PPFIA1: variants seen among roughly 807,000 people sequenced by gnomAD.
The protein encoded by PPFIA1 is liprin-alpha-1.
PPFIA1 carries 25 observed loss-of-function variants against 149.9 expected under a neutral mutation model. The ratio of observed to expected loss-of-function variants is 0.17; its 90% CI spans 0.12 to 0.23. The LOEUF is 0.23. Ranked by LOEUF, PPFIA1 falls within the 10% of genes least tolerant of loss-of-function variation. The pLI is 1.00. For missense variants in PPFIA1, 1,362 were observed against 1,506.5 expected (o/e 0.90, Z 1.59); for synonymous variants, 549 against 552.8 (o/e 0.99, Z 0.10).
At chr11:70,287,072 C>T (rs2051195910) in intron 2 of PPFIA1, among the ~76,000 whole-genome samples, 1 of 151,838 alleles carries the variant, frequency 6.6e-6, no homozygotes, top group Non-Finnish European at 1.5e-5. Flanking sequence ...AGGCTGGTCT[C>T]GAACTCTTGA....
intron 2 of PPFIA1, among the ~76,000 whole-genome samples, chr11:70,293,993 G>T (rs188598338): frequency 5.4e-4 from 78 of 143,478 alleles, no homozygotes; most frequent in Non-Finnish European, 7.6e-4. Context: ...AGGCTGGAGT[G>T]CAGTGAGATC....
intron 2 of PPFIA1, among the ~76,000 whole-genome samples, chr11:70,301,937 C>T (rs1466009784): frequency 3.9e-5 from 6 of 152,190 alleles, no homozygotes; most frequent in African/African-American, 7.2e-5. Context: ...ATGCAGTGAC[C>T]GTGTGAACAT....
intron 2 of PPFIA1, among the ~76,000 whole-genome samples, chr11:70,288,964 G>GT (rs1384950277): frequency 1.5e-5 from 2 of 135,614 alleles, no homozygotes; most frequent in East Asian, 4.1e-4. Flanking sequence ...GTAGCATCTG[G>GT]TTGTTTTTTT....
intron 19 of PPFIA1, among the ~76,000 whole-genome samples, chr11:70,361,041 T>G (rs1175797445): frequency 6.6e-6 from 1 of 152,226 alleles, no homozygotes; most frequent in African/African-American, 2.4e-5. Flanking sequence ...ATACCTATGT[T>G]AGAGAGCATT....
chr11:70,357,889 G>A (rs1046358307), intron 19 of PPFIA1, among the ~76,000 whole-genome samples: 2 of 152,032 alleles, frequency 1.3e-5, no homozygotes, highest in Admixed American at 6.5e-5. Context: ...GCCCAGCCAA[G>A]AATGTTTTCA....
At chr11:70,337,205 G>A (rs1216157210) in intron 11 of PPFIA1, among the ~76,000 whole-genome samples, 160 bp from the exon 12 acceptor site, 1 of 152,038 alleles carries the variant, frequency 6.6e-6, no homozygotes, top group Non-Finnish European at 1.5e-5. Flanking sequence ...AGGTGTCGCC[G>A]CCTCACGGTC....
intron 2 of PPFIA1, among the ~76,000 whole-genome samples, chr11:70,301,215 A>G (rs1355139156): frequency 6.6e-6 from 1 of 152,208 alleles, no homozygotes; most frequent in East Asian, 1.9e-4. Flanking sequence ...CTTGATGAGA[A>G]CTAACATAAA....
Position 70,374,924 on chromosome 11 carries a change from T to C in PPFIA1, c.3146T>C (p.Leu1049Pro). 6.2e-7 allele frequency: 1 copy of C among 1,610,844 alleles called. No homozygotes were observed. The highest frequency in any genetic ancestry group is 8.5e-7 in the Non-Finnish European group (1 of 1,179,070). ...TGTCTTTATTCTTTTGCAGACGTGCTTGTTTGGAGCAATGATCGAGTGATT... is the reference window on the plus strand; with the variant it reads ...TGTCTTTATTCTTTTGCAGACGTGCCTGTTTGGAGCAATGATCGAGTGATT... ...EESQSEIKDV[L>P]VWSNDRVIRW... Residue 1049 changes from leucine to proline, a missense_variant, in exon 24 of 28, where the codon CTT becomes CCT. Leu to Pro is a moderately conservative substitution (Grantham distance 98). Transcript: ENST00000253925.
chr11:70,333,584 T>G (rs1591252946), intron 10 of PPFIA1, 31 bp downstream of exon 10: 1 of 1,560,246 alleles, frequency 6.4e-7, no homozygotes. Flanking sequence ...GTGGGGGCGC[T>G]GAGTGGGTGC....
In PPFIA1 at chr11:70,356,217, G is replaced by A; in HGVS notation, c.2545G>A (p.Gly849Arg). The stretch of plus-strand genomic sequence containing the variant: ...GGATGCCTTGGGACTTAGCAAATTG[G>A]GGGGACAGGCTGAAAAAAATCGTAA... ...SQDALGLSKL[G>R]GQAEKNRKLQ... The change falls in exon 19 of 28, where the codon GGG becomes AGG. Residue 849 changes from glycine to arginine, a missense_variant. This residue lies in a region of PPFIA1 where 91 missense variants were observed against 91.2 expected (regional missense o/e 1.00). Coordinates refer to ENST00000253925, the MANE Select transcript of PPFIA1 (RefSeq NM_003626.5). 1 of 1,613,762 alleles carries A rather than the reference G, an allele frequency of 6.2e-7. No homozygotes were observed. Among genetic ancestry groups the A allele is most frequent in the Non-Finnish European group, 8.5e-7 (1 of 1,179,982 alleles).
chr11:70,295,507 G>C (rs1432218157), intron 2 of PPFIA1, among the ~76,000 whole-genome samples: 1 of 140,862 alleles, frequency 7.1e-6, no homozygotes, highest in East Asian at 2.2e-4. Flanking sequence ...CGGGTGGGGG[G>C]GCTGACCCCC....
intron 16 of PPFIA1, among the ~76,000 whole-genome samples, chr11:70,349,500 A>G (rs558878828): frequency 1.2e-4 from 18 of 152,310 alleles, no homozygotes; most frequent in African/African-American, 4.1e-4. Flanking sequence ...TTGTATATTT[A>G]GAATTTGTCA....
At chr11:70,301,877 G>C (rs996096504) in intron 2 of PPFIA1, among the ~76,000 whole-genome samples, 4 of 152,126 alleles carry the variant, frequency 2.6e-5, no homozygotes, top group African/African-American at 9.7e-5. Flanking sequence ...ATGTTTCACG[G>C]GACCACCGTG....
chr11:70,322,790 T>C (rs1483407826), intron 2 of PPFIA1, among the ~76,000 whole-genome samples: 1 of 152,208 alleles, frequency 6.6e-6, no homozygotes, highest in Non-Finnish European at 1.5e-5. Context: ...GTTCAGTGAA[T>C]GCTAGATTCA....
chr11:70,308,105 A>G (rs569757835), intron 2 of PPFIA1, among the ~76,000 whole-genome samples: 4 of 152,306 alleles, frequency 2.6e-5, no homozygotes, highest in East Asian at 3.9e-4. Flanking sequence ...CTGGAGTGCA[A>G]TGGTGCGATC....
At chr11:70,335,119 AT>A (rs967394674) in intron 10 of PPFIA1, among the ~76,000 whole-genome samples, 7 of 151,710 alleles carry the variant, frequency 4.6e-5, no homozygotes, top group African/African-American at 7.3e-5. Flanking sequence ...CTCTAGCACA[AT>A]TTTTTTTTCC....
chr11:70,350,880 G>A (rs753495920), intron 16 of PPFIA1: 19 of 431,306 alleles, frequency 4.4e-5, no homozygotes, highest in Admixed American at 6.1e-5. Flanking sequence ...TCTAAATCCT[G>A]TCTCCTGTCA....
At position 70,326,358 on chromosome 11, in the gene PPFIA1, G is replaced by A; in HGVS notation, c.703G>A (p.Gly235Arg). The A allele has an allele frequency of 1.9e-6, 3 of 1,587,788 alleles. No homozygotes were observed. The highest frequency in any genetic ancestry group is 2.6e-6 in the Non-Finnish European group (3 of 1,158,532). The stretch of plus-strand genomic sequence containing the variant: ...ACAAGAAAATACACCAAGCACGAGT[G>A]GAAAGGCAAGTCTGTAGGCTTTGTC... ...HEQENTPSTS[G>R]KRSSDGSLSH... The change falls in exon 6 of 28, where the codon GGA becomes AGA. Residue 235 changes from glycine (G) to arginine (R), a missense_variant. This residue lies in a region of PPFIA1 where 733 missense variants were observed against 744.1 expected (regional missense o/e 0.99). Coordinates refer to ENST00000253925, the MANE Select transcript of PPFIA1 (RefSeq NM_003626.5).
rs660533 is a variant in PPFIA1 at position 70,275,660 on chromosome 11, A to C, written c.264+3224A>C. The stretch of plus-strand genomic sequence containing the variant: ...TTGACCTTGCATAATTTCTTAAAAG[A>C]CTATTCTTTCCCCAGTGTACTACAT... On this transcript the variant is annotated intron_variant, in intron 2 of 27. Coordinates refer to ENST00000253925, the MANE Select transcript of PPFIA1 (RefSeq NM_003626.5). 3.4e-3 allele frequency among the ~76,000 whole-genome samples: 522 copies of C among 152,268 alleles called. 3 individuals are homozygous for C. Among genetic ancestry groups the C allele is most frequent in the African/African-American group, 0.012 (504 of 41,552 alleles).
Sources: allele counts gnomAD v4.1 joint callset (sites outside exome capture counted in the v4.1 genomes callset), GRCh38; gene constraint gnomAD v4.1.1; regional missense constraint gnomAD v4.1.1; transcripts MANE v1.5; gene names NCBI Gene and HGNC (gene_info 2026-07-23, HGNC 2026-07-21).